PLXDC2: variants seen among roughly 807,000 people sequenced by gnomAD.
PLXDC2 encodes plexin domain-containing protein 2.
A neutral mutation model predicts 68.9 loss-of-function variants in PLXDC2; 40 were observed. The observed-to-expected ratio is 0.58, with a 90% CI of 0.45 to 0.76. The LOEUF (loss-of-function observed/expected upper bound fraction) is 0.76, where lower values mean the gene tolerates loss of function less well. Ranked by LOEUF, PLXDC2 falls within the 30% of genes least tolerant of loss-of-function variation. The pLI is 0.00. For missense variants in PLXDC2, 644 were observed against 661.9 expected (o/e 0.97, Z 0.30); for synonymous variants, 243 against 234.2 (o/e 1.04, Z -0.34).
chr10:20,281,577 T>C lies in PLXDC2; in HGVS notation c.*1758T>C, dbSNP rs184964690. 4 of 152,318 alleles carry C rather than the reference T, an allele frequency of 2.6e-5. No homozygotes were observed. The East Asian group carries it at 7.7e-4, about 29-fold the overall frequency. 9.4% of individuals were successfully genotyped at this position (152,318 alleles called of 1,614,324 possible). A position where few individuals can be genotyped will look rare whatever the true frequency, so the allele number is the denominator to read the frequency against. On this transcript the variant is annotated 3_prime_UTR_variant, in exon 14 of 14. Transcript: ENST00000377252. ...TCTGACGTGAACGAATGCCATTTTC[T>C]ATTCCATATATTTTGCTTTACAATT...
chr10:20,112,333 A>G (rs1233430090), intron 4 of PLXDC2, among the ~76,000 whole-genome samples: 2 of 142,976 alleles, frequency 1.4e-5, no homozygotes, highest in Non-Finnish European at 3.1e-5. Context: ...TTCACATAGG[A>G]AAATGAAAAA....
At chr10:19,942,122 G>A (rs541751601) in intron 1 of PLXDC2, among the ~76,000 whole-genome samples, 1 of 152,264 alleles carries the variant, frequency 6.6e-6, no homozygotes, top group South Asian at 2.1e-4. Flanking sequence ...ATTTTGTAAA[G>A]ATAGTGGTAA....
intron 13 of PLXDC2, among the ~76,000 whole-genome samples, chr10:20,266,781 T>C (rs1451256274): frequency 2.6e-5 from 4 of 152,214 alleles, no homozygotes; most frequent in African/African-American, 7.2e-5. Flanking sequence ...TGGTGAATTC[T>C]AATAACAATA....
At chr10:19,828,732 G>A (rs555329142) in intron 1 of PLXDC2, among the ~76,000 whole-genome samples, 2 of 152,296 alleles carry the variant, frequency 1.3e-5, no homozygotes, top group East Asian at 3.9e-4. Context: ...TTTAGAAGAG[G>A]TGTTTGAAAA....
chr10:19,895,938 G>A (rs1228905562), intron 1 of PLXDC2, among the ~76,000 whole-genome samples: 1 of 152,048 alleles, frequency 6.6e-6, no homozygotes, highest in Non-Finnish European at 1.5e-5. Context: ...TTTTAAAAAG[G>A]AAAAGTAGGT....
intron 1 of PLXDC2, among the ~76,000 whole-genome samples, chr10:19,937,629 T>C (rs1833748590): frequency 1.3e-5 from 2 of 148,452 alleles, no homozygotes; most frequent in South Asian, 4.3e-4. Context: ...ATCAGAATAT[T>C]GTCCCAACAT....
intron 1 of PLXDC2, among the ~76,000 whole-genome samples, chr10:19,975,079 TCA>T (rs1834426416): frequency 1.3e-5 from 2 of 152,330 alleles, no homozygotes; most frequent in Admixed American, 1.3e-4. Flanking sequence ...AGCTATTTTC[TCA>T]TGGTATTTTT....
At chr10:19,996,859 C>T (rs905575788) in intron 1 of PLXDC2, among the ~76,000 whole-genome samples, 2 of 152,034 alleles carry the variant, frequency 1.3e-5, no homozygotes, top group African/African-American at 4.8e-5. Context: ...GGAAACTTCC[C>T]CTTATAGAAC....
At chr10:20,224,003 C>G (rs1053335231) in intron 12 of PLXDC2, among the ~76,000 whole-genome samples, 1 of 140,192 alleles carries the variant, frequency 7.1e-6, no homozygotes, top group African/African-American at 2.6e-5. Context: ...GAGATAGGGT[C>G]TCACTTTGTC....
intron 1 of PLXDC2, among the ~76,000 whole-genome samples, chr10:19,966,412 T>C (rs553859857): frequency 6.7e-6 from 1 of 150,360 alleles, no homozygotes; most frequent in African/African-American, 2.4e-5. Context: ...TATGTGCACA[T>C]ATATAAAAAA....
At chr10:20,169,139 C>CGATG (rs1834413142) in intron 7 of PLXDC2, among the ~76,000 whole-genome samples, 1 of 152,084 alleles carries the variant, frequency 6.6e-6, no homozygotes, top group Non-Finnish European at 1.5e-5. Flanking sequence ...TAAAATGGTG[C>CGATG]TAAACGTCCT....
chr10:20,273,903 G>T (rs1472841808), intron 13 of PLXDC2, among the ~76,000 whole-genome samples: 4 of 152,072 alleles, frequency 2.6e-5, no homozygotes, highest in Non-Finnish European at 4.4e-5. Flanking sequence ...GCTAGGAGTG[G>T]TGGTGCACTC....
rs564938311 is a variant in PLXDC2 at position 20,078,349 on chromosome 10, C to G, written c.541+10110C>G. Among the ~76,000 whole-genome samples, 4 of 152,228 alleles carry G rather than the reference C, an allele frequency of 2.6e-5. No homozygotes were observed. In the South Asian group the frequency reaches 8.3e-4, roughly 32 times the overall value. On this transcript the variant is annotated intron_variant, in intron 4 of 13. Coordinates refer to ENST00000377252, the MANE Select transcript of PLXDC2 (RefSeq NM_032812.9). The stretch of plus-strand genomic sequence containing the variant: ...AGTTAGCTACGATTATGCCACTGCA[C>G]TCCAGTCAGAGTGACAGAGCAAGAT...
chr10:20,077,222 C>G (rs373746332), intron 4 of PLXDC2, among the ~76,000 whole-genome samples: 14 of 152,146 alleles, frequency 9.2e-5, no homozygotes, highest in Admixed American at 9.2e-4. Context: ...GATCCAACCC[C>G]AAATGCAAAG....
chr10:20,090,951 A>G (rs1222046788), intron 4 of PLXDC2, among the ~76,000 whole-genome samples: 1 of 152,220 alleles, frequency 6.6e-6, no homozygotes, highest in East Asian at 1.9e-4. Context: ...GTGTCTAATG[A>G]ATACAATTTC....
chr10:19,830,757 G>T (rs1836674118), intron 1 of PLXDC2, among the ~76,000 whole-genome samples: 1 of 151,408 alleles, frequency 6.6e-6, no homozygotes, highest in Non-Finnish European at 1.5e-5. Context: ...TTTTTCCTGG[G>T]AGTTGTTGCA....
intron 1 of PLXDC2, among the ~76,000 whole-genome samples, chr10:19,823,078 G>C (rs1423594261): frequency 6.6e-6 from 1 of 151,928 alleles, no homozygotes; most frequent in Non-Finnish European, 1.5e-5. Context: ...ACCACGCCCA[G>C]CTAATTTTTT....
At chr10:20,170,424 A>T (rs552074342) in intron 7 of PLXDC2, among the ~76,000 whole-genome samples, 1 of 152,256 alleles carries the variant, frequency 6.6e-6, no homozygotes, top group South Asian at 2.1e-4. Context: ...TCCTGACCTC[A>T]AGTGATCCTC....
intron 9 of PLXDC2, among the ~76,000 whole-genome samples, chr10:20,200,101 A>G (rs1463925837): frequency 2.0e-5 from 3 of 151,926 alleles, no homozygotes; most frequent in Non-Finnish European, 4.4e-5. Flanking sequence ...AGGTTGGAAG[A>G]CTTCACTATG....
Sources: allele counts gnomAD v4.1 joint callset (sites outside exome capture counted in the v4.1 genomes callset), GRCh38; gene constraint gnomAD v4.1.1; transcripts MANE v1.5; gene names NCBI Gene and HGNC (gene_info 2026-07-23, HGNC 2026-07-21).